Variants in CWC15 observed in about 807,000 individuals in gnomAD.
CWC15 encodes the protein spliceosome-associated protein CWC15 homolog.
A neutral mutation model predicts 28.4 loss-of-function variants in CWC15; 12 were observed. The observed-to-expected ratio is 0.42, with a 90% CI of 0.27 to 0.69. CWC15 has a LOEUF of 0.69. CWC15 is among the 30% of genes least tolerant of loss of function. The pLI is 0.23. For missense variants in CWC15, 192 were observed against 271.5 expected, an observed-to-expected ratio of 0.71 and a Z score of 2.06; for synonymous variants, 92 against 88.4, an observed-to-expected ratio of 1.04 and a Z score of -0.23.
chr11:94,964,643 T>C (rs587687763), intron 6 of CWC15, among the ~76,000 whole-genome samples: 3 of 152,356 alleles, frequency 2.0e-5, no homozygotes, highest in African/African-American at 7.2e-5. Flanking sequence ...TTGTCCTCGA[T>C]GATCACTCCT....
Position 94,970,115 on chromosome 11 carries a change from C to T in CWC15, c.334-19G>A. The T allele has an allele frequency of 7.7e-7, 1 of 1,297,594 alleles. No homozygotes were observed. The highest frequency in any genetic ancestry group is 1.1e-6 in the Non-Finnish European group (1 of 927,280). The allele number at this position is 1,297,594 out of a possible 1,614,324, so 80.4% of individuals were successfully genotyped here. On this transcript the variant is annotated intron_variant, in intron 4 of 6. Coordinates refer to ENST00000279839, the MANE Select transcript of CWC15 (RefSeq NM_016403.4). ...CTTCCTCCTAAAAGAACAGTGAGAG[C>T]CCAGAAGATTGGAGGGAAAATACAC...
chr11:94,971,942 T>C, intron 2 of CWC15, 113 bp downstream of exon 2: 1 of 999,558 alleles, frequency 1.0e-6, no homozygotes, highest in Non-Finnish European at 1.5e-6. Flanking sequence ...TTGCATTCTA[T>C]TCCTATGAAA....
rs587657969 is a variant in CWC15 at position 94,971,623 on chromosome 11, A to G, written c.132-136T>C. On this transcript the variant is annotated intron_variant, in intron 2 of 6. Coordinates refer to ENST00000279839, the MANE Select transcript of CWC15 (RefSeq NM_016403.4). ...AGAAAAAAGGGAAGTAGACAAGATCATAATTTAATCTGAAGGTTACTAACA... is the reference window on the plus strand; with the variant it reads ...AGAAAAAAGGGAAGTAGACAAGATCGTAATTTAATCTGAAGGTTACTAACA... 158 of 598,474 alleles carry G rather than the reference A, an allele frequency of 2.6e-4. 1 individual carries two copies. In the East Asian group the frequency reaches 4.3e-3, roughly 16 times the overall value. The allele number at this position is 598,474 out of a possible 1,614,324, so 37.1% of individuals were successfully genotyped here.
intron 6 of CWC15, among the ~76,000 whole-genome samples, chr11:94,965,351 T>A (rs1160837377): frequency 6.6e-6 from 1 of 152,186 alleles, no homozygotes; most frequent in Admixed American, 6.5e-5. Flanking sequence ...TGTAAGCTTT[T>A]CTGTTTTATT....
intron 5 of CWC15, among the ~76,000 whole-genome samples, chr11:94,968,379 A>C (rs587634668): frequency 6.6e-6 from 1 of 152,242 alleles, no homozygotes; most frequent in East Asian, 1.9e-4. Flanking sequence ...AAAAGAAACT[A>C]TCATTCAACC....
intron 3 of CWC15, 136 bp from the exon 4 acceptor site, chr11:94,971,201 A>G: frequency 1.0e-6 from 1 of 990,582 alleles, no homozygotes; most frequent in Non-Finnish European, 1.6e-6. Flanking sequence ...GTGCCTGGGC[A>G]AATAAGCCTT....
intron 2 of CWC15, among the ~76,000 whole-genome samples, chr11:94,971,802 G>A (rs1452726528): frequency 1.3e-5 from 2 of 152,042 alleles, no homozygotes; most frequent in African/African-American, 4.8e-5. Context: ...ATACTGACTG[G>A]TGCTCATAGT....
At position 94,963,277 on chromosome 11, in the gene CWC15, G is replaced by A; in HGVS notation, c.*108C>T. 1.2e-6 allele frequency: 1 copy of A among 823,936 alleles called. No homozygotes were observed. Among genetic ancestry groups the A allele is most frequent in the Non-Finnish European group, 1.7e-6 (1 of 573,180 alleles). 51.0% of individuals were successfully genotyped at this position (823,936 alleles called of 1,614,324 possible). On this transcript the variant is annotated 3_prime_UTR_variant, in exon 7 of 7. Transcript: ENST00000279839. ...GAAAAAGATAGGAGTTTAAAACTGG[G>A]GAAGCCCACACACAATTTAGACAGG...
Position 94,962,839 on chromosome 11 carries a change from A to T in CWC15, c.*546T>A, listed in dbSNP as rs952144972. 6.6e-6 allele frequency: 1 copy of T among 152,194 alleles called. No individual in the cohort carries two copies. Among genetic ancestry groups the T allele is most frequent in the African/African-American group, 2.4e-5 (1 of 41,390 alleles). The allele number at this position is 152,194 out of a possible 1,614,324, so 9.4% of individuals were successfully genotyped here. On this transcript the variant is annotated 3_prime_UTR_variant, in exon 7 of 7. Transcript: ENST00000279839. The stretch of plus-strand genomic sequence containing the variant: ...GTACCTGCAGAAGTGAGCGATACCC[A>T]ATGCTCTCCCAGACACACGCCTGGG...
At position 94,970,098 on chromosome 11, in the gene CWC15, T is replaced by A; in HGVS notation, c.334-2A>T. The A allele has an allele frequency of 6.9e-7, 1 of 1,453,310 alleles. No homozygotes were observed. The highest frequency in any genetic ancestry group is 9.4e-7 in the Non-Finnish European group (1 of 1,059,902). The allele number at this position is 1,453,310 out of a possible 1,614,324, so 90.0% of individuals were successfully genotyped here. On this transcript the variant is annotated splice_acceptor_variant, in intron 4 of 6. Transcript: ENST00000279839. LOFTEE classifies it high-confidence loss of function. ...TTCTTCAAAATCTTCATCTTCCTCC[T>A]AAAAGAACAGTGAGAGCCCAGAAGA... is the stretch of plus-strand genomic sequence containing the variant.
At chr11:94,968,406 C>T (rs1857674773) in intron 5 of CWC15, among the ~76,000 whole-genome samples, 1 of 152,222 alleles carries the variant, frequency 6.6e-6, no homozygotes, top group African/African-American at 2.4e-5. Flanking sequence ...AATATCAACA[C>T]ATTTTAATAC....
At chr11:94,973,305 C>T (rs1414927218) in intron 1 of CWC15, 193 bp downstream of exon 1, 1 of 138,440 alleles carries the variant, frequency 7.2e-6, no homozygotes, top group African/African-American at 2.6e-5. Flanking sequence ...GGCGAGCTGC[C>T]TGTACGCTGC....
chr11:94,968,524 A>G (rs1225114583), intron 5 of CWC15, among the ~76,000 whole-genome samples: 3 of 152,218 alleles, frequency 2.0e-5, no homozygotes, highest in Non-Finnish European at 4.4e-5. Context: ...TGTGTCCAGA[A>G]CTATTAGGCA....
At chr11:94,970,130 G>T in intron 4 of CWC15, 34 bp from the exon 5 acceptor site, 1 of 1,137,484 alleles carries the variant, frequency 8.8e-7, no homozygotes. Flanking sequence ...AAGATTGGAG[G>T]GAAAATACAC....
chr11:94,964,346 A>T (rs782540684), intron 6 of CWC15, among the ~76,000 whole-genome samples: 1 of 152,324 alleles, frequency 6.6e-6, no homozygotes, highest in African/African-American at 2.4e-5. Context: ...GGGAAAGTGC[A>T]CAATGAGCAA....
At chr11:94,971,624 T>C in intron 2 of CWC15, 137 bp from the exon 3 acceptor site, 1 of 596,750 alleles carries the variant, frequency 1.7e-6, no homozygotes, top group Non-Finnish European at 2.9e-6. Flanking sequence ...GACAAGATCA[T>C]AATTTAATCT....
intron 6 of CWC15, among the ~76,000 whole-genome samples, chr11:94,965,711 G>A (rs1857630531): frequency 6.6e-6 from 1 of 152,196 alleles, no homozygotes; most frequent in Admixed American, 6.5e-5. Flanking sequence ...TCTTTAATGG[G>A]CTTCCCTGGG....
chr11:94,970,173 T>C, intron 4 of CWC15, 77 bp from the exon 5 acceptor site: 3 of 627,612 alleles, frequency 4.8e-6, no homozygotes, highest in South Asian at 6.2e-5. Flanking sequence ...GTACAACGTA[T>C]CACCCTAAGA....
intron 1 of CWC15, among the ~76,000 whole-genome samples, chr11:94,972,776 TAAAC>T (rs146753451): frequency 0.013 from 1,954 of 152,288 alleles, 34 homozygotes; most frequent in African/African-American, 0.044. Context: ...AAAAAATTCT[TAAAC>T]AACCGTTTGT....
Sources: allele counts gnomAD v4.1 joint callset (sites outside exome capture counted in the v4.1 genomes callset), GRCh38; gene constraint gnomAD v4.1.1; transcripts MANE v1.5; gene names NCBI Gene and HGNC (gene_info 2026-07-23, HGNC 2026-07-21).